Variants in KSR2 observed in about 807,000 individuals in gnomAD.
KSR2 encodes kinase suppressor of ras 2.
KSR2 carries 25 observed loss-of-function variants against 107.8 expected under a neutral mutation model. The observed-to-expected ratio is 0.23, with a 90% confidence interval of 0.17 to 0.32. KSR2 has a LOEUF of 0.32. Among genes scored for constraint, KSR2 ranks in the 10% least tolerant of loss-of-function variants. The pLI, the probability that KSR2 is intolerant of heterozygous loss-of-function variation, is 1.00. For missense variants in KSR2, 887 were observed against 1,268.9 expected (o/e 0.70, Z 4.57); for synonymous variants, 480 against 507.0 (o/e 0.95, Z 0.71).
rs193130544 is a variant in KSR2 at position 117,851,546 on chromosome 12, C to T, written c.472+3882G>A. 3.4e-3 allele frequency among the ~76,000 whole-genome samples: 514 copies of T among 152,130 alleles called. 4 individuals carry two copies. Among genetic ancestry groups the T allele is most frequent in the Non-Finnish European group, 4.9e-3 (330 of 67,984 alleles). ...TGCAGTGAGCTGTGATCACATCACA[C>T]CACTGTACTCCAACCTGGGTGACAA... On this transcript the variant is annotated intron_variant, in intron 3 of 19. Transcript: ENST00000339824.
In KSR2 at chr12:117,728,144, T is replaced by C. The variant is rs371413002; in HGVS notation, c.986+32867A>G. Among the ~76,000 whole-genome samples, 7 of 152,312 alleles carry C rather than the reference T, an allele frequency of 4.6e-5. No individual in the cohort carries two copies. The East Asian group carries it at 5.8e-4, about 13-fold the overall frequency. On this transcript the variant is annotated intron_variant, in intron 4 of 19. Transcript: ENST00000339824. The stretch of plus-strand genomic sequence containing the variant: ...GATTGGGGCAGTGGGTATCTAGGGA[T>C]ATACCTCCATCAAAACTCATTGAAC...
In KSR2 at chr12:117,489,996, G is replaced by A. The variant is rs187591464; in HGVS notation, c.2220-4305C>T. On this transcript the variant is annotated intron_variant, in intron 14 of 19. Coordinates refer to ENST00000339824, the MANE Select transcript of KSR2 (RefSeq NM_173598.6). The stretch of plus-strand genomic sequence containing the variant: ...AAGAGGATGAAAGTTTACTGAGTAT[G>A]TGCTTAGGACCTATATCACCTCCAT... Among the ~76,000 whole-genome samples, 209 of 152,358 alleles carry A rather than the reference G, an allele frequency of 1.4e-3. 1 individual carries two copies. The highest frequency in any genetic ancestry group is 0.012 in the South Asian group (59 of 4,828).
chr12:117,713,668 A>C (rs906501181), intron 4 of KSR2, among the ~76,000 whole-genome samples: 1 of 152,186 alleles, frequency 6.6e-6, no homozygotes, highest in Non-Finnish European at 1.5e-5. Flanking sequence ...AAGAGGAAGG[A>C]CAGAACAGGA....
chr12:117,738,442 G>A (rs911276091), intron 4 of KSR2, among the ~76,000 whole-genome samples: 14 of 152,178 alleles, frequency 9.2e-5, no homozygotes, highest in Admixed American at 5.9e-4. Flanking sequence ...GTGTGGTGTA[G>A]CCTATTGCTC....
At chr12:117,616,872 T>C (rs192267085) in intron 5 of KSR2, among the ~76,000 whole-genome samples, 3 of 152,340 alleles carry the variant, frequency 2.0e-5, no homozygotes, top group African/African-American at 7.2e-5. Context: ...GATTCATCTT[T>C]TTATTCTTCC....
chr12:117,910,892 C>G (rs1402686976), intron 1 of KSR2, among the ~76,000 whole-genome samples: 1 of 152,108 alleles, frequency 6.6e-6, no homozygotes, highest in Non-Finnish European at 1.5e-5. Context: ...TCACAAAGAC[C>G]ACAGTTCGGT....
intron 14 of KSR2, among the ~76,000 whole-genome samples, chr12:117,507,635 G>T (rs1428727833): frequency 1.3e-5 from 2 of 152,188 alleles, no homozygotes; most frequent in Non-Finnish European, 2.9e-5. Flanking sequence ...TCTGCCTTCA[G>T]ACAGGAATGT....
chr12:117,877,706 G>C (rs1893904376), intron 1 of KSR2, among the ~76,000 whole-genome samples: 1 of 152,104 alleles, frequency 6.6e-6, no homozygotes, highest in Non-Finnish European at 1.5e-5. Flanking sequence ...ACACAAGGAG[G>C]GAGGCTGCCC....
intron 5 of KSR2, among the ~76,000 whole-genome samples, chr12:117,626,069 T>C (rs2136355465): frequency 6.6e-6 from 1 of 152,354 alleles, no homozygotes; most frequent in African/African-American, 2.4e-5. Flanking sequence ...CACTTTTTTA[T>C]TGCATCTATT....
Position 117,934,059 on chromosome 12 carries a change from T to C in KSR2, c.180+34017A>G, listed in dbSNP as rs549642979. Among the ~76,000 whole-genome samples, 4 of 152,340 alleles carry C rather than the reference T, an allele frequency of 2.6e-5. No individual in the cohort carries two copies. In the South Asian group the frequency reaches 8.3e-4, roughly 32 times the overall value. ...ATATCCAGACATTCCTAGTAATATG[T>C]TCTTTACCCTTTTGATCCTTATGCC... On this transcript the variant is annotated intron_variant, in intron 1 of 19. Transcript: ENST00000339824.
rs189878832 is a variant in KSR2 at position 117,592,162 on chromosome 12, G to A, written c.1172-9803C>T. On this transcript the variant is annotated intron_variant, in intron 5 of 19. Coordinates refer to ENST00000339824, the MANE Select transcript of KSR2 (RefSeq NM_173598.6). ...AGATGGAGTCTCACTCACCCAGGCT[G>A]GAGCGCAATGGAGCAATCTCCACTC... Among the ~76,000 whole-genome samples the A allele has an allele frequency of 4.6e-5, 7 of 150,618 alleles. No individual in the cohort carries two copies. The East Asian group carries it at 1.4e-3, about 29-fold the overall frequency.
Position 117,520,217 on chromosome 12 carries a change from C to G in KSR2, c.2219+4635G>C, listed in dbSNP as rs571170557. Among the ~76,000 whole-genome samples the G allele has an allele frequency of 2.6e-4, 39 of 152,300 alleles. No homozygotes were observed. The South Asian group carries it at 7.9e-3, about 31-fold the overall frequency. On this transcript the variant is annotated intron_variant, in intron 14 of 19. Transcript: ENST00000339824. ...TGTTCTATGATTTGGGCAAGGGCTCCCTCTGCCTTTCTGACCTCAGTTTTC... is the reference window on the plus strand; with the variant it reads ...TGTTCTATGATTTGGGCAAGGGCTCGCTCTGCCTTTCTGACCTCAGTTTTC...
Position 117,897,670 on chromosome 12 carries a change from C to T in KSR2, c.181-37239G>A, listed in dbSNP as rs1339817423. Among the ~76,000 whole-genome samples the T allele has an allele frequency of 1.3e-5, 2 of 151,954 alleles. No homozygotes were observed. Among genetic ancestry groups the T allele is most frequent in the Admixed American group, 1.3e-4 (2 of 15,216 alleles). ...AAATAAGCACGAGGTTGGTAATTTT[C>T]CTATTTTTTTAAATGTGAGCTAGGT... On this transcript the variant is annotated intron_variant, in intron 1 of 19. Coordinates refer to ENST00000339824, the MANE Select transcript of KSR2 (RefSeq NM_173598.6). The surrounding 1 kb of genome is among the most constrained non-coding windows in gnomAD (Gnocchi z 4.5).
At chr12:117,771,363 T>A (rs1054412556) in intron 3 of KSR2, among the ~76,000 whole-genome samples, 2 of 152,192 alleles carry the variant, frequency 1.3e-5, no homozygotes, top group Non-Finnish European at 2.9e-5. Context: ...CCTTTCTGAA[T>A]GGAACCAATG....
At chr12:117,515,322 T>G (rs1770113050) in intron 14 of KSR2, among the ~76,000 whole-genome samples, 1 of 152,252 alleles carries the variant, frequency 6.6e-6, no homozygotes, top group African/African-American at 2.4e-5. Context: ...TTTCTTTATG[T>G]CTACTCATTT....
At chr12:117,599,070 C>T (rs928112553) in intron 5 of KSR2, among the ~76,000 whole-genome samples, 8 of 152,036 alleles carry the variant, frequency 5.3e-5, no homozygotes, top group African/African-American at 1.9e-4. Flanking sequence ...TTTAATTTAC[C>T]TAGAAAATGA....
chr12:117,710,978 G>A (rs79322888), intron 4 of KSR2, among the ~76,000 whole-genome samples: 2,175 of 152,128 alleles, frequency 0.014, 54 homozygotes, highest in African/African-American at 0.05. Flanking sequence ...CAATCCTTTA[G>A]CGCTTGTCTC....
intron 9 of KSR2, among the ~76,000 whole-genome samples, chr12:117,547,681 C>A (rs1876976499): frequency 6.6e-6 from 1 of 152,072 alleles, no homozygotes; most frequent in Admixed American, 6.6e-5. Flanking sequence ...CTAAGCTGTC[C>A]CTTTCCTGGG....
intron 5 of KSR2, among the ~76,000 whole-genome samples, chr12:117,611,326 G>C (rs924268933): frequency 6.6e-6 from 1 of 152,030 alleles, no homozygotes; most frequent in African/African-American, 2.4e-5. Context: ...GTCACACTGG[G>C]TGTGGCAAGA....
Sources: gnomAD v4.1 joint callset for allele counts (sites outside exome capture counted in the v4.1 genomes callset) on GRCh38, gnomAD v4.1.1 for gene constraint, Gnocchi (gnomAD v3.1) non-coding constraint, MANE v1.5 for transcripts, NCBI Gene and HGNC (gene_info 2026-07-23, HGNC 2026-07-21) for gene names.